Variants in UBE2E3 observed in about 807,000 individuals in gnomAD.
UBE2E3 encodes ubiquitin conjugating enzyme E2 E3, also known as ubiquitin-conjugating enzyme E2 E3.
A neutral mutation model predicts 23.6 loss-of-function variants in UBE2E3; 5 were observed. That is an observed-to-expected ratio of 0.21 (90% CI 0.11 to 0.44). The LOEUF (loss-of-function observed/expected upper bound fraction) is 0.44, where lower values mean the gene tolerates loss of function less well. Among genes scored for constraint, UBE2E3 ranks in the 20% least tolerant of loss-of-function variants. The pLI is 0.99. For synonymous variants in UBE2E3, 78 were observed against 87.5 expected (o/e 0.89, Z 0.60); for missense variants, 81 against 249.8 (o/e 0.32, Z 4.55).
chr2:181,048,496 T>A (rs904458831), intron 3 of UBE2E3, among the ~76,000 whole-genome samples: 1 of 152,160 alleles, frequency 6.6e-6, no homozygotes, highest in Admixed American at 6.6e-5. Context: ...GGTTGGTTGT[T>A]ATAGAGATTA....
chr2:181,059,859 A>G (rs1687092574), intron 4 of UBE2E3, among the ~76,000 whole-genome samples: 1 of 151,528 alleles, frequency 6.6e-6, no homozygotes, highest in Non-Finnish European at 1.5e-5. Context: ...CCCAGATTCA[A>G]CTTTTGCGCT....
At chr2:181,054,722 A>G (rs1009728019) in intron 3 of UBE2E3, among the ~76,000 whole-genome samples, 1 of 151,846 alleles carries the variant, frequency 6.6e-6, no homozygotes, top group Non-Finnish European at 1.5e-5. Context: ...AAAAAAATCT[A>G]GGCTGCAGTT....
At chr2:181,017,651 A>ATT (rs11481231) in intron 3 of UBE2E3, among the ~76,000 whole-genome samples, 5,948 of 145,888 alleles carry the variant, frequency 0.041, 327 homozygotes, top group East Asian at 0.2. Context: ...TCCTTGATCC[A>ATT]TTTTTTTTTT....
chr2:181,007,518 TCTTTATA>T (rs1244596327), intron 3 of UBE2E3, among the ~76,000 whole-genome samples: 5 of 152,146 alleles, frequency 3.3e-5, no homozygotes, highest in African/African-American at 7.2e-5. Flanking sequence ...TTTTTTTCTT[TCTTTATA>T]CTTGGAAATA....
At chr2:181,040,967 G>A (rs1368523193) in intron 3 of UBE2E3, among the ~76,000 whole-genome samples, 4 of 152,034 alleles carry the variant, frequency 2.6e-5, no homozygotes, top group Admixed American at 1.3e-4. Flanking sequence ...AAATGCTTCA[G>A]GGCCGAGTGC....
chr2:181,045,340 A>G (rs984267113), intron 3 of UBE2E3, among the ~76,000 whole-genome samples: 1 of 152,240 alleles, frequency 6.6e-6, no homozygotes, highest in African/African-American at 2.4e-5. Context: ...CATTACCTCA[A>G]TAAATTCACC....
intron 3 of UBE2E3, among the ~76,000 whole-genome samples, chr2:181,024,734 A>G (rs1450749796): frequency 6.6e-6 from 1 of 152,086 alleles, no homozygotes; most frequent in African/African-American, 2.4e-5. Flanking sequence ...TGAGTAATCT[A>G]TTTTTATAAA....
chr2:181,000,806 G>A (rs1372133029), intron 3 of UBE2E3, among the ~76,000 whole-genome samples: 1 of 152,070 alleles, frequency 6.6e-6, no homozygotes, highest in Non-Finnish European at 1.5e-5. Context: ...CGACCACCTC[G>A]GGCTTCCAAA....
chr2:181,016,625 A>G (rs938688699), intron 3 of UBE2E3, among the ~76,000 whole-genome samples: 1 of 152,184 alleles, frequency 6.6e-6, no homozygotes, highest in Admixed American at 6.5e-5. Flanking sequence ...TTGACCCCCA[A>G]ACTGATTCTT....
intron 3 of UBE2E3, among the ~76,000 whole-genome samples, chr2:181,010,331 T>C (rs1685282504): frequency 6.6e-6 from 1 of 152,184 alleles, no homozygotes; most frequent in African/African-American, 2.4e-5. Flanking sequence ...TATTCTGTAT[T>C]TTCAATACAG....
At chr2:181,002,024 G>A (rs577440114) in intron 3 of UBE2E3, among the ~76,000 whole-genome samples, 13 of 152,274 alleles carry the variant, frequency 8.5e-5, no homozygotes, top group Non-Finnish European at 1.9e-4. Flanking sequence ...TGAAGGGCTT[G>A]AATATCCCAA....
At chr2:180,988,275 A>G (rs1217420169) in intron 3 of UBE2E3, among the ~76,000 whole-genome samples, 1 of 152,072 alleles carries the variant, frequency 6.6e-6, no homozygotes. Flanking sequence ...ATCTTATGTA[A>G]TTTTATCTTA....
chr2:181,044,686 T>C (rs1686617921), intron 3 of UBE2E3, among the ~76,000 whole-genome samples: 1 of 152,182 alleles, frequency 6.6e-6, no homozygotes, highest in Non-Finnish European at 1.5e-5. Context: ...ATCTTCTTAA[T>C]GCATCTTTTG....
intron 3 of UBE2E3, among the ~76,000 whole-genome samples, chr2:181,033,774 C>T (rs866968603): frequency 6.6e-6 from 1 of 152,134 alleles, no homozygotes; most frequent in African/African-American, 2.4e-5. Flanking sequence ...TTTTTGCAAG[C>T]TACCCATCTG....
chr2:181,012,858 C>G, intron 3 of UBE2E3, among the ~76,000 whole-genome samples: 1 of 152,130 alleles, frequency 6.6e-6, no homozygotes, highest in East Asian at 1.9e-4. Flanking sequence ...ATTGGTATTT[C>G]TCATATTGAA....
chr2:181,007,750 C>T (rs866143031), intron 3 of UBE2E3, among the ~76,000 whole-genome samples: 54 of 152,296 alleles, frequency 3.5e-4, no homozygotes, highest in Middle Eastern at 3.4e-3. Flanking sequence ...TCTGTCTACA[C>T]TAGTGCTGGA....
At chr2:180,989,562 A>G (rs562062667) in intron 3 of UBE2E3, among the ~76,000 whole-genome samples, 1 of 152,290 alleles carries the variant, frequency 6.6e-6, no homozygotes, top group Non-Finnish European at 1.5e-5. Context: ...CAGTAGGCCT[A>G]GTTATTTCCT....
intron 3 of UBE2E3, among the ~76,000 whole-genome samples, chr2:181,003,147 T>A (rs1685038304): frequency 1.3e-5 from 2 of 152,242 alleles, no homozygotes; most frequent in African/African-American, 2.4e-5. Flanking sequence ...ATATGTGCCT[T>A]AATTAGTATT....
At chr2:180,995,260 T>C (rs1025642186) in intron 3 of UBE2E3, among the ~76,000 whole-genome samples, 3 of 152,164 alleles carry the variant, frequency 2.0e-5, no homozygotes, top group East Asian at 1.9e-4. Context: ...AGAAAAGTCA[T>C]GACTTTACAA....
Sources: gnomAD v4.1 joint callset for allele counts (sites outside exome capture counted in the v4.1 genomes callset) on GRCh38, gnomAD v4.1.1 for gene constraint, MANE v1.5 for transcripts, NCBI Gene and HGNC (gene_info 2026-07-23, HGNC 2026-07-21) for gene names.